The following CRYZ variants were observed in gnomAD, a reference collection of about 807,000 sequenced individuals.
The protein encoded by CRYZ is zeta-crystallin.
A neutral mutation model predicts 34.1 loss-of-function variants in CRYZ; 35 were observed. The observed-to-expected ratio is 1.03, with a 90% confidence interval of 0.78 to 1.36. The LOEUF is 1.36. Ranked by LOEUF, CRYZ falls within the 40% of genes most tolerant of loss-of-function variation. The pLI, the probability that CRYZ is intolerant of heterozygous loss-of-function variation, is 0.00. For synonymous variants in CRYZ, 137 were observed against 136.5 expected (o/e 1.00, Z -0.03); for missense variants, 403 against 391.8 (o/e 1.03, Z -0.24).
chr1:74,714,364 G>A (rs962027210), intron 5 of CRYZ, among the ~76,000 whole-genome samples: 11 of 151,968 alleles, frequency 7.2e-5, no homozygotes, highest in African/African-American at 2.7e-4. Flanking sequence ...ACATATTTTT[G>A]AAGGGGTGCT....
At chr1:74,731,492 T>C (rs1647734802) in intron 1 of CRYZ, among the ~76,000 whole-genome samples, 1 of 152,166 alleles carries the variant, frequency 6.6e-6, no homozygotes, top group Admixed American at 6.5e-5. Context: ...AACCCAGAAA[T>C]GTAAAAAAGG....
intron 6 of CRYZ, chr1:74,708,843 A>G (rs1489616534): frequency 6.6e-6 from 1 of 152,160 alleles, no homozygotes; most frequent in Admixed American, 6.6e-5. Context: ...CCAAGCAAAA[A>G]CAACCTAAGG....
intron 7 of CRYZ, 35 bp from the exon 8 acceptor site, chr1:74,707,029 T>C: frequency 1.3e-6 from 2 of 1,594,986 alleles, no homozygotes; most frequent in Non-Finnish European, 1.7e-6. Context: ...CAGTTAAAGA[T>C]TACTGTAAAA....
At chr1:74,726,518 T>A (rs76688068) in intron 1 of CRYZ, among the ~76,000 whole-genome samples, 2,132 of 152,278 alleles carry the variant, frequency 0.014, 29 homozygotes, top group Middle Eastern at 0.034. Context: ...CAGGAAACCA[T>A]TTTTTAACTC....
chr1:74,720,828 A>G lies in CRYZ; in HGVS notation c.265-1456T>C, dbSNP rs370772069. Among the ~76,000 whole-genome samples, 16 of 152,312 alleles carry G rather than the reference A, an allele frequency of 1.1e-4. No individual in the cohort carries two copies. In the East Asian group the frequency reaches 1.3e-3, roughly 13 times the overall value. ...CATTATTTCAAGTTATGTGAGGCAC[A>G]TCAATACCACTGTCCCTAACCTCAA... is the stretch of plus-strand genomic sequence containing the variant. On this transcript the variant is annotated intron_variant, in intron 3 of 8. Transcript: ENST00000340866.
At position 74,705,905 on chromosome 1, in the gene CRYZ, C is replaced by T. The variant is rs1213417169; in HGVS notation, c.*391G>A. ...AAAGTCCAATACAGTCATGGCTAAT[C>T]AGAGACTAGAGAACCTTTATAAAGG... On this transcript the variant is annotated 3_prime_UTR_variant, in exon 9 of 9. Transcript: ENST00000340866. 1.3e-5 allele frequency: 2 copies of T among 156,766 alleles called. No individual in the cohort carries two copies. Among genetic ancestry groups the T allele is most frequent in the Admixed American group, 1.3e-4 (2 of 15,824 alleles). The allele number at this position is 156,766 out of a possible 1,614,324, so 9.7% of individuals were successfully genotyped here.
chr1:74,729,212 A>G (rs1463078690), intron 1 of CRYZ, among the ~76,000 whole-genome samples: 1 of 151,082 alleles, frequency 6.6e-6, no homozygotes, highest in African/African-American at 2.4e-5. Context: ...TCCCAGCTCT[A>G]TCATGTGGGA....
intron 3 of CRYZ, among the ~76,000 whole-genome samples, chr1:74,722,584 G>A (rs1647180177): frequency 7.2e-6 from 1 of 138,868 alleles, no homozygotes; most frequent in Non-Finnish European, 1.6e-5. Context: ...CTATGAATAT[G>A]TCTTTGGGCA....
At chr1:74,724,867 A>T in intron 1 of CRYZ, 33 bp from the exon 2 acceptor site, 2 of 1,261,494 alleles carry the variant, frequency 1.6e-6, no homozygotes, top group South Asian at 1.2e-5. Context: ...GTATTGTCAC[A>T]TTGTATCTAG....
chr1:74,715,335 C>T (rs1647057184), intron 4 of CRYZ, among the ~76,000 whole-genome samples: 1 of 152,218 alleles, frequency 6.6e-6, no homozygotes, highest in South Asian at 2.1e-4. Context: ...TGCAGCAAGG[C>T]ATGAGGGGAT....
intron 1 of CRYZ, among the ~76,000 whole-genome samples, chr1:74,731,914 A>C (rs1647772242): frequency 6.6e-6 from 1 of 152,208 alleles, no homozygotes. Context: ...TTTGAAGATT[A>C]TTCTAGGTGG....
In CRYZ at chr1:74,709,968, T is replaced by A. The variant is rs1222336720; in HGVS notation, c.630+130A>T. The A allele has an allele frequency of 5.7e-6, 4 of 699,938 alleles. No individual in the cohort carries two copies. In the African/African-American group the frequency reaches 7.3e-5, roughly 13 times the overall value. The allele number at this position is 699,938 out of a possible 1,614,324, so 43.4% of individuals were successfully genotyped here. ...TTTAAATAAAGTTTTAAAACACGCA[T>A]AAAAATTCATCGCACTGAAAAAAGG... is the stretch of plus-strand genomic sequence containing the variant. On this transcript the variant is annotated intron_variant, in intron 6 of 8. Transcript: ENST00000340866.
intron 4 of CRYZ, among the ~76,000 whole-genome samples, chr1:74,715,355 T>C (rs1428380971): frequency 1.3e-5 from 2 of 152,220 alleles, no homozygotes; most frequent in Admixed American, 6.5e-5. Flanking sequence ...TGCCTCACTA[T>C]TCCAGATGGA....
intron 1 of CRYZ, among the ~76,000 whole-genome samples, chr1:74,727,714 A>C (rs1011783362): frequency 5.9e-5 from 9 of 151,968 alleles, no homozygotes; most frequent in African/African-American, 2.2e-4. Flanking sequence ...AGCATGCAAA[A>C]GACCTGACCC....
intron 1 of CRYZ, among the ~76,000 whole-genome samples, chr1:74,728,923 G>C (rs145431595): frequency 1.3e-5 from 2 of 152,110 alleles, no homozygotes; most frequent in Non-Finnish European, 2.9e-5. Context: ...AGTCTCTGAC[G>C]GGGAGATGAT....
At chr1:74,721,745 T>C (rs1387258831) in intron 3 of CRYZ, among the ~76,000 whole-genome samples, 3 of 152,194 alleles carry the variant, frequency 2.0e-5, no homozygotes, top group African/African-American at 7.2e-5. Flanking sequence ...AGGCGCTATC[T>C]GCAGTGAGAA....
chr1:74,724,668 A>G, intron 2 of CRYZ, 43 bp downstream of exon 2: 1 of 1,195,728 alleles, frequency 8.4e-7, no homozygotes, highest in Non-Finnish European at 1.2e-6. Context: ...AGAGACTCAC[A>G]CTCAGTATAA....
intron 1 of CRYZ, among the ~76,000 whole-genome samples, chr1:74,729,734 A>G (rs1017229123): frequency 2.0e-5 from 3 of 152,130 alleles, no homozygotes; most frequent in African/African-American, 7.2e-5. Flanking sequence ...CATCTTTAAT[A>G]TAACGATATT....
chr1:74,727,557 G>C (rs539822240), intron 1 of CRYZ, among the ~76,000 whole-genome samples: 1 of 120,768 alleles, frequency 8.3e-6, no homozygotes, highest in Admixed American at 8.8e-5. Flanking sequence ...GCGTCAACCC[G>C]GCAGGTGGAG....
Sources: gnomAD v4.1 joint callset for allele counts (sites outside exome capture counted in the v4.1 genomes callset) on GRCh38, gnomAD v4.1.1 for gene constraint, MANE v1.5 for transcripts, NCBI Gene and HGNC (gene_info 2026-07-23, HGNC 2026-07-21) for gene names.